The following PPARGC1A variants were observed in gnomAD, a reference collection of about 807,000 sequenced individuals.
PPARGC1A encodes peroxisome proliferator-activated receptor gamma coactivator 1-alpha.
A neutral mutation model predicts 88.7 loss-of-function variants in PPARGC1A; 25 were observed. That is an observed-to-expected ratio of 0.28 (90% CI 0.21 to 0.39). The LOEUF (loss-of-function observed/expected upper bound fraction) is 0.39. PPARGC1A is among the 10% of genes least tolerant of loss of function. PPARGC1A has a pLI of 1.00. For synonymous variants in PPARGC1A, 363 were observed against 355.6 expected, an observed-to-expected ratio of 1.02 and a Z score of -0.24; for missense variants, 880 against 968.7, an observed-to-expected ratio of 0.91 and a Z score of 1.22.
chr4:24,058,571 T>C, the PPARGC1A span, among the ~76,000 whole-genome samples: 2 of 152,044 alleles, frequency 1.3e-5, no homozygotes, highest in African/African-American at 4.8e-5. Flanking sequence ...AGATAAACAG[T>C]AAATTTGAAA....
chr4:24,008,266 C>T, the PPARGC1A span, among the ~76,000 whole-genome samples: 1 of 152,236 alleles, frequency 6.6e-6, no homozygotes, highest in African/African-American at 2.4e-5. Flanking sequence ...TCGCAACCAA[C>T]TTGGGGAAGA....
chr4:24,158,896 A>G, the PPARGC1A span, among the ~76,000 whole-genome samples: 1 of 152,316 alleles, frequency 6.6e-6, no homozygotes, highest in Admixed American at 6.5e-5. Context: ...TAATATTTCA[A>G]TCACTCTAAA....
intron 2 of PPARGC1A, chr4:23,880,853 T>C (rs1715785680): frequency 6.6e-6 from 1 of 152,202 alleles, no homozygotes; most frequent in Non-Finnish European, 1.5e-5. Flanking sequence ...CCTCAGAACG[T>C]ATTACAAGTA....
At chr4:23,884,517 AGTT>A in intron 2 of PPARGC1A, 1 of 438,306 alleles carries the variant, frequency 2.3e-6, no homozygotes, top group Non-Finnish European at 4.0e-6. Context: ...ACTCACTCAC[AGTT>A]GTTGATTCCT....
the PPARGC1A span, among the ~76,000 whole-genome samples, chr4:24,050,714 T>C: frequency 5.3e-5 from 8 of 152,190 alleles, no homozygotes; most frequent in African/African-American, 1.9e-4. Flanking sequence ...GAAATATTTT[T>C]GTTGTGGTTG....
rs1425829816 is a variant in PPARGC1A, at chr4:23,793,949, A to G, written c.*1873T>C. 6.6e-6 allele frequency: 1 copy of G among 152,582 alleles called. No individual in the cohort carries two copies. Among genetic ancestry groups the G allele is most frequent in the Non-Finnish European group, 1.5e-5 (1 of 68,024 alleles). The allele number at this position is 152,582 out of a possible 1,614,324, so 9.5% of individuals were successfully genotyped here. On this transcript the variant is annotated 3_prime_UTR_variant, in exon 13 of 13. Coordinates refer to ENST00000264867, the MANE Select transcript of PPARGC1A (RefSeq NM_013261.5). ...ATAATAAATAGGCTATCTGCAACTG[A>G]TAAATATGTCTCTTTAGTAAACAAA...
the PPARGC1A span, among the ~76,000 whole-genome samples, chr4:24,273,472 T>TA: frequency 6.6e-6 from 1 of 152,162 alleles, no homozygotes; most frequent in Non-Finnish European, 1.5e-5. Flanking sequence ...CTTCTTATGC[T>TA]AGTGATGGTT....
At chr4:24,346,997 T>A in the PPARGC1A span, among the ~76,000 whole-genome samples, 362 of 152,314 alleles carry the variant, frequency 2.4e-3, 5 homozygotes, top group African/African-American at 8.2e-3. Flanking sequence ...TTCAAAGAAT[T>A]TTTTAATTTC....
the PPARGC1A span, among the ~76,000 whole-genome samples, chr4:23,950,444 G>A: frequency 6.6e-6 from 1 of 152,072 alleles, no homozygotes; most frequent in African/African-American, 2.4e-5. Context: ...GAGGTAACAA[G>A]CATCGGTCGA....
At chr4:24,248,575 C>T in the PPARGC1A span, among the ~76,000 whole-genome samples, 1 of 152,272 alleles carries the variant, frequency 6.6e-6, no homozygotes, top group East Asian at 1.9e-4. Context: ...GTCATACCCT[C>T]CCCCAGCGAC....
chr4:23,950,525 T>C, the PPARGC1A span, among the ~76,000 whole-genome samples: 3 of 152,138 alleles, frequency 2.0e-5, no homozygotes, highest in Admixed American at 2.0e-4. Context: ...TGTAATGATT[T>C]ATAGAAAACA....
At chr4:23,849,469 C>T (rs997737985) in intron 2 of PPARGC1A, among the ~76,000 whole-genome samples, 7 of 152,014 alleles carry the variant, frequency 4.6e-5, no homozygotes, top group African/African-American at 9.7e-5. Context: ...ACAGATATTG[C>T]CTTCAATTTG....
At chr4:24,263,540 G>A in the PPARGC1A span, among the ~76,000 whole-genome samples, 11 of 151,730 alleles carry the variant, frequency 7.2e-5, no homozygotes, top group South Asian at 2.1e-4. Flanking sequence ...TTATACAGAG[G>A]TCTTTTTCAA....
chr4:24,461,745 T>C, the PPARGC1A span, among the ~76,000 whole-genome samples: 1 of 152,142 alleles, frequency 6.6e-6, no homozygotes. Flanking sequence ...AAAAAAACTC[T>C]CGGCAGGTAT....
the PPARGC1A span, among the ~76,000 whole-genome samples, chr4:24,437,091 C>G: frequency 6.6e-6 from 1 of 152,242 alleles, no homozygotes; most frequent in African/African-American, 2.4e-5. Flanking sequence ...TTCTCCCTTT[C>G]TTTCAAGACT....
chr4:24,094,099 C>A, the PPARGC1A span, among the ~76,000 whole-genome samples: 3 of 152,084 alleles, frequency 2.0e-5, no homozygotes, highest in African/African-American at 7.2e-5. Context: ...TTCTCTATTG[C>A]GGTGACTGCA....
Position 23,813,857 on chromosome 4 carries a change from A to G in PPARGC1A, c.1626T>C (p.Ser542=), listed in dbSNP as rs1374216389. The G allele has an allele frequency of 1.2e-6, 2 of 1,613,940 alleles. No homozygotes were observed. The highest frequency in any genetic ancestry group is 1.7e-5 in the Admixed American group (1 of 60,000). ...SLFNVSPSCS[S]FNSPCRDSVS... ...CAGAATCTCTACATGGAGAGTTAAA[A>G]GAAGAACAAGAAGGAGACACATTGA... Residue 542 remains serine, a synonymous_variant, in exon 8 of 13, where the codon TCT becomes TCC. Transcript: ENST00000264867.
chr4:24,238,743 ATATGTGTGTGTGTGTGTGTGTGTGTG>A, the PPARGC1A span, among the ~76,000 whole-genome samples: 7 of 118,644 alleles, frequency 5.9e-5, no homozygotes, highest in Admixed American at 1.9e-4. Flanking sequence ...CCAAGGTTGT[ATATGTGTGTGTGTGTGTGTGTGTGTG>A]TGTGTGTGTG....
At chr4:23,860,727 A>G (rs1731106528) in intron 2 of PPARGC1A, among the ~76,000 whole-genome samples, 1 of 152,218 alleles carries the variant, frequency 6.6e-6, no homozygotes, top group Non-Finnish European at 1.5e-5. Context: ...CCAAAGAAGC[A>G]AGGAACAAAA....
Sources: gnomAD v4.1 joint callset for allele counts (sites outside exome capture counted in the v4.1 genomes callset) on GRCh38, gnomAD v4.1.1 for gene constraint, MANE v1.5 for transcripts, NCBI Gene and HGNC (gene_info 2026-07-23, HGNC 2026-07-21) for gene names.